The following OSBPL8 variants were observed in gnomAD, a reference collection of about 807,000 sequenced individuals.
OSBPL8 encodes the protein oxysterol-binding protein-related protein 8.
In OSBPL8, 59 loss-of-function variants were observed where a neutral mutation model predicts 125.5. That is an observed-to-expected ratio of 0.47 (90% CI 0.38 to 0.58). OSBPL8 has a LOEUF of 0.58. Ranked by LOEUF, OSBPL8 falls within the 20% of genes least tolerant of loss-of-function variation. The probability of loss-of-function intolerance (pLI) is 0.00; values close to 1 mark genes in which losing one functional copy is unlikely to be tolerated. For synonymous variants in OSBPL8, 330 were observed against 338.9 expected, an observed-to-expected ratio of 0.97 and a Z score of 0.29; for missense variants, 758 against 1,047.8, an observed-to-expected ratio of 0.72 and a Z score of 3.82.
chr12:76,383,899 C>G (rs1953171100), intron 15 of OSBPL8, among the ~76,000 whole-genome samples: 1 of 152,018 alleles, frequency 6.6e-6, no homozygotes, highest in Non-Finnish European at 1.5e-5. Context: ...TTGGATTCTT[C>G]CTCTCTGTTC....
intron 4 of OSBPL8, among the ~76,000 whole-genome samples, chr12:76,444,890 C>A (rs1222850266): frequency 7.2e-5 from 11 of 152,130 alleles, no homozygotes; most frequent in Non-Finnish European, 1.3e-4. Context: ...ATGAGAGGGA[C>A]ATAAATGTAG....
intron 1 of OSBPL8, among the ~76,000 whole-genome samples, chr12:76,545,576 T>G (rs566125777): frequency 1.3e-5 from 2 of 152,290 alleles, no homozygotes; most frequent in African/African-American, 2.4e-5. Context: ...AGAAATTTAT[T>G]CATATTTCAA....
intron 4 of OSBPL8, among the ~76,000 whole-genome samples, chr12:76,449,472 G>C (rs1160933150): frequency 6.6e-6 from 1 of 152,134 alleles, no homozygotes; most frequent in Non-Finnish European, 1.5e-5. Context: ...TTTCATTGAT[G>C]GCACAAAAGC....
At chr12:76,392,929 T>A (rs979704425) in intron 9 of OSBPL8, among the ~76,000 whole-genome samples, 177 bp from the exon 10 acceptor site, 1 of 152,210 alleles carries the variant, frequency 6.6e-6, no homozygotes, top group Admixed American at 6.5e-5. Flanking sequence ...GCTTTTCACA[T>A]ACTAAGCACA....
At chr12:76,521,238 G>C (rs943806592) in intron 1 of OSBPL8, among the ~76,000 whole-genome samples, 8 of 152,142 alleles carry the variant, frequency 5.3e-5, no homozygotes, top group Admixed American at 1.3e-4. Context: ...CAAACATATT[G>C]TGACTATAAA....
intron 1 of OSBPL8, among the ~76,000 whole-genome samples, chr12:76,552,700 A>C (rs578170627): frequency 6.6e-6 from 1 of 152,250 alleles, no homozygotes; most frequent in South Asian, 2.1e-4. Flanking sequence ...CTCTCTGCTT[A>C]AATATGCCAT....
intron 21 of OSBPL8, among the ~76,000 whole-genome samples, chr12:76,366,321 G>A (rs1286811192): frequency 6.6e-6 from 1 of 152,086 alleles, no homozygotes; most frequent in Middle Eastern, 3.2e-3. Flanking sequence ...AGTTTCTAGG[G>A]ATTTGTTGGC....
intron 1 of OSBPL8, among the ~76,000 whole-genome samples, chr12:76,519,230 G>C (rs995471692): frequency 6.6e-6 from 1 of 152,092 alleles, no homozygotes; most frequent in African/African-American, 2.4e-5. Flanking sequence ...TCTTAAGTTC[G>C]ACCTTCCACA....
At chr12:76,401,271 G>T (rs1367877893) in intron 6 of OSBPL8, among the ~76,000 whole-genome samples, 2 of 152,074 alleles carry the variant, frequency 1.3e-5, no homozygotes, top group Non-Finnish European at 2.9e-5. Flanking sequence ...GAAACATGTA[G>T]ATGTTGTGTT....
At position 76,507,684 on chromosome 12, in the gene OSBPL8, G is replaced by A. The variant is rs1050791311; in HGVS notation, c.-67-20066C>T. ...AAAATACAAAAAAACTTGGCTGGGC[G>A]TGGTGGTGCATGCCTGTAATCCCAG... is the stretch of plus-strand genomic sequence containing the variant. On this transcript the variant is annotated intron_variant, in intron 1 of 23. Transcript: ENST00000261183. 2.0e-4 allele frequency among the ~76,000 whole-genome samples: 31 copies of A among 151,444 alleles called. 1 individual carries two copies. The highest frequency in any genetic ancestry group is 5.4e-4 in the African/African-American group (22 of 40,884).
In OSBPL8 at chr12:76,487,812, C is replaced by G. The variant is rs572047156; in HGVS notation, c.-67-194G>C. Among the ~76,000 whole-genome samples the G allele has an allele frequency of 2.0e-5, 3 of 151,974 alleles. No individual in the cohort carries two copies. The South Asian group carries it at 6.2e-4, about 32-fold the overall frequency. ...AAAAATGAAAGAAGAAAAAAATATT[C>G]CAAGTGAAGAAAAATAGTAAGAGCA... On this transcript the variant is annotated intron_variant, in intron 1 of 23. Coordinates refer to ENST00000261183, the MANE Select transcript of OSBPL8 (RefSeq NM_020841.5).
At chr12:76,427,861 A>C (rs1454778376) in intron 4 of OSBPL8, among the ~76,000 whole-genome samples, 1 of 152,216 alleles carries the variant, frequency 6.6e-6, no homozygotes, top group African/African-American at 2.4e-5. Flanking sequence ...CACATTGTTA[A>C]GTTGAAAAAT....
At chr12:76,356,050 TAA>T in intron 23 of OSBPL8, 29 bp from the exon 24 acceptor site, 1 of 1,591,954 alleles carries the variant, frequency 6.3e-7, no homozygotes, top group Non-Finnish European at 8.6e-7. Context: ...ACAAATTTTG[TAA>T]TGATTTGCCA....
At chr12:76,436,060 C>G (rs1871402775) in intron 4 of OSBPL8, among the ~76,000 whole-genome samples, 1 of 152,066 alleles carries the variant, frequency 6.6e-6, no homozygotes, top group Non-Finnish European at 1.5e-5. Flanking sequence ...AGCATGAAAA[C>G]CAAGCTATGA....
intron 18 of OSBPL8, chr12:76,371,983 A>G (rs1952636670): frequency 6.4e-6 from 1 of 155,204 alleles, no homozygotes; most frequent in Admixed American, 6.4e-5. Flanking sequence ...ACACACACAC[A>G]CATCCCTCTG....
At chr12:76,453,679 C>T (rs1218970520) in intron 3 of OSBPL8, among the ~76,000 whole-genome samples, 1 of 151,788 alleles carries the variant, frequency 6.6e-6, no homozygotes, top group Non-Finnish European at 1.5e-5. Flanking sequence ...TTTAAAAAGA[C>T]ACAAAAAAGC....
In OSBPL8 at chr12:76,369,783, G is replaced by C. The variant is rs754208290; in HGVS notation, c.2094C>G (p.Asp698Glu). The change falls in exon 20 of 24, where the codon GAC becomes GAG. Residue 698 changes from aspartate (D) to glutamate (E), a missense_variant. Physicochemically the swap from Asp to Glu is conservative, Grantham distance 45. Transcript: ENST00000261183. ...QRVTRAINAK[D>E]QTEATQEKYV... ...ACTTCTCTTGGGTAGCTTCAGTTTG[G>C]TCTTTGGCATTTATGGCTCGAGTTA... The C allele has an allele frequency of 5.0e-5, 81 of 1,613,246 alleles. 1 individual carries two copies. The highest frequency in any genetic ancestry group is 1.6e-4 in the Middle Eastern group (1 of 6,078).
Position 76,369,618 on chromosome 12 carries a change from A to G in OSBPL8, c.2240+19T>C. The G allele has an allele frequency of 1.2e-6, 2 of 1,600,858 alleles. No individual in the cohort carries two copies. Among genetic ancestry groups the G allele is most frequent in the Non-Finnish European group, 1.7e-6 (2 of 1,169,534 alleles). Reference sequence around the variant, plus strand: ...CATGCTAATACATTGTTTGAAATAAACTATTTTAAGTTACTTACTCTGCAA... The same window carrying G: ...CATGCTAATACATTGTTTGAAATAAGCTATTTTAAGTTACTTACTCTGCAA... On this transcript the variant is annotated intron_variant, in intron 20 of 23. Transcript: ENST00000261183.
chr12:76,371,808 T>C (rs757128335), intron 18 of OSBPL8: 3 of 329,764 alleles, frequency 9.1e-6, no homozygotes, highest in Non-Finnish European at 1.0e-5. Flanking sequence ...AAGAATTTGG[T>C]TGAATATCCA....
Sources: gnomAD v4.1 joint callset for allele counts (sites outside exome capture counted in the v4.1 genomes callset) on GRCh38, gnomAD v4.1.1 for gene constraint, MANE v1.5 for transcripts, NCBI Gene and HGNC (gene_info 2026-07-23, HGNC 2026-07-21) for gene names.